SSBP2: variants seen among roughly 807,000 people sequenced by gnomAD.
SSBP2 encodes single stranded DNA binding protein 2, also known as single-stranded DNA-binding protein 2.
Under a neutral mutation model 61.8 loss-of-function variants are expected in SSBP2, and 17 were observed. The ratio of observed to expected loss-of-function variants is 0.28; its 90% CI spans 0.19 to 0.41. The LOEUF is 0.41. Among genes scored for constraint, SSBP2 ranks in the 10% least tolerant of loss-of-function variants. The pLI is 1.00. For synonymous variants in SSBP2, 139 were observed against 141.3 expected, an observed-to-expected ratio of 0.98 and a Z score of 0.12; for missense variants, 310 against 458.7, an observed-to-expected ratio of 0.68 and a Z score of 2.96.
At chr5:81,651,790 C>T (rs951010367) in intron 1 of SSBP2, among the ~76,000 whole-genome samples, 4 of 152,160 alleles carry the variant, frequency 2.6e-5, no homozygotes, top group Non-Finnish European at 5.9e-5. Flanking sequence ...TCTTATCACA[C>T]ATTCTTCAAA....
chr5:81,448,789 C>T lies in SSBP2; in HGVS notation c.723+1G>A. 1 of 1,612,432 alleles carries T rather than the reference C, an allele frequency of 6.2e-7. No individual in the cohort carries two copies. Among genetic ancestry groups the T allele is most frequent in the Non-Finnish European group, 8.5e-7 (1 of 1,179,344 alleles). On this transcript the variant is annotated splice_donor_variant, in intron 11 of 16. Transcript: ENST00000320672. LOFTEE classifies it high-confidence loss of function. Reference sequence around the variant, plus strand: ...AAGCAAACAAACCCAAATGTACTTACTACATAATTCCCAGGAGATGCTGAG... The same window carrying T: ...AAGCAAACAAACCCAAATGTACTTATTACATAATTCCCAGGAGATGCTGAG...
chr5:81,521,349 C>A (rs1490098935), intron 4 of SSBP2, among the ~76,000 whole-genome samples: 6 of 151,912 alleles, frequency 3.9e-5, no homozygotes, highest in Admixed American at 3.9e-4. Context: ...AATTTTGTAA[C>A]CATACTCTTA....
chr5:81,672,312 A>G (rs1391038054), intron 1 of SSBP2, among the ~76,000 whole-genome samples: 1 of 152,172 alleles, frequency 6.6e-6, no homozygotes, highest in Non-Finnish European at 1.5e-5. Context: ...TACTATGAAA[A>G]CTGTTGGAAC....
chr5:81,502,635 A>G (rs1310451409), intron 5 of SSBP2, among the ~76,000 whole-genome samples: 2 of 152,308 alleles, frequency 1.3e-5, no homozygotes, highest in Non-Finnish European at 1.5e-5. Context: ...CAAGTTCACA[A>G]TTAAGCTGAT....
chr5:81,603,708 A>C (rs945226366), intron 4 of SSBP2, among the ~76,000 whole-genome samples: 1 of 152,196 alleles, frequency 6.6e-6, no homozygotes, highest in African/African-American at 2.4e-5. Flanking sequence ...ATTTATTAAA[A>C]GATACTAGAA....
At chr5:81,725,263 G>A (rs1406014239) in intron 1 of SSBP2, among the ~76,000 whole-genome samples, 1 of 151,860 alleles carries the variant, frequency 6.6e-6, no homozygotes, top group Admixed American at 6.6e-5. Context: ...ACAAATACGT[G>A]AAGAGATAAC....
intron 4 of SSBP2, among the ~76,000 whole-genome samples, chr5:81,526,290 A>G (rs960421932): frequency 6.6e-6 from 1 of 152,060 alleles, no homozygotes; most frequent in Admixed American, 6.6e-5. Context: ...CATATTTCAA[A>G]AACTTCTTAA....
intron 1 of SSBP2, among the ~76,000 whole-genome samples, chr5:81,747,981 C>T (rs1757462978): frequency 6.6e-6 from 1 of 152,114 alleles, no homozygotes; most frequent in South Asian, 2.1e-4. Flanking sequence ...ACTAATCTTA[C>T]CCTGATCATT....
chr5:81,712,710 C>A (rs1466878007), intron 1 of SSBP2, among the ~76,000 whole-genome samples: 2 of 145,902 alleles, frequency 1.4e-5, no homozygotes, highest in African/African-American at 2.5e-5. Flanking sequence ...AGTAAAGGGA[C>A]TTTTTGTTTG....
chr5:81,680,593 A>G (rs1393726244), intron 1 of SSBP2, among the ~76,000 whole-genome samples: 1 of 152,132 alleles, frequency 6.6e-6, no homozygotes, highest in Non-Finnish European at 1.5e-5. Flanking sequence ...GCTAATGCCA[A>G]TCAAAAGAAA....
At chr5:81,584,589 C>A (rs1365278527) in intron 4 of SSBP2, among the ~76,000 whole-genome samples, 5 of 152,080 alleles carry the variant, frequency 3.3e-5, no homozygotes, top group Non-Finnish European at 7.4e-5. Context: ...AAAGGCCAAA[C>A]AAGTATCCTA....
chr5:81,601,957 G>C (rs1001247200), intron 4 of SSBP2, among the ~76,000 whole-genome samples: 1 of 152,148 alleles, frequency 6.6e-6, no homozygotes, highest in Admixed American at 6.5e-5. Context: ...AAAGGTGGCT[G>C]GTGCCTAGGA....
At chr5:81,729,118 TTCAA>T (rs1043167210) in intron 1 of SSBP2, among the ~76,000 whole-genome samples, 6 of 152,212 alleles carry the variant, frequency 3.9e-5, no homozygotes, top group Non-Finnish European at 8.8e-5. Context: ...ATAATTATTT[TTCAA>T]TCAAAAATAT....
In SSBP2 at chr5:81,459,794, A is replaced by C. The variant is rs919118632; in HGVS notation, c.687+1261T>G. Among the ~76,000 whole-genome samples the C allele has an allele frequency of 1.2e-4, 18 of 152,364 alleles. No individual in the cohort carries two copies. The East Asian group carries it at 2.5e-3, about 21-fold the overall frequency. The stretch of plus-strand genomic sequence containing the variant: ...AATAGTAAGAAGCTAATAGATCATA[A>C]GAAGTAAACTCTTGTAAAGCATGTA... On this transcript the variant is annotated intron_variant, in intron 10 of 16. Transcript: ENST00000320672.
At chr5:81,680,081 G>A (rs962358520) in intron 1 of SSBP2, among the ~76,000 whole-genome samples, 10 of 151,556 alleles carry the variant, frequency 6.6e-5, no homozygotes, top group African/African-American at 2.2e-4. Context: ...CCCAACACCT[G>A]GCCCTGCCAC....
chr5:81,717,054 T>C (rs1476394657), intron 1 of SSBP2, among the ~76,000 whole-genome samples: 1 of 152,180 alleles, frequency 6.6e-6, no homozygotes, highest in East Asian at 1.9e-4. Context: ...AGAAGAATAT[T>C]TATTGATTCT....
At position 81,682,413 on chromosome 5, in the gene SSBP2, A is replaced by T. The variant is rs1396802559; in HGVS notation, c.63-32074T>A. Among the ~76,000 whole-genome samples the T allele has an allele frequency of 3.9e-5, 6 of 152,330 alleles. No homozygotes were observed. The South Asian group carries it at 1.2e-3, about 32-fold the overall frequency. On this transcript the variant is annotated intron_variant, in intron 1 of 16. Transcript: ENST00000320672. ...ATCAAATAGTATAAGTGGTCACATC[A>T]ACAGGCTGAAGAAAAAAATTACAAT...
At chr5:81,699,479 T>C (rs1433170431) in intron 1 of SSBP2, among the ~76,000 whole-genome samples, 1 of 152,258 alleles carries the variant, frequency 6.6e-6, no homozygotes, top group Non-Finnish European at 1.5e-5. Context: ...AGAAGCAGAT[T>C]CTATCTCAAG....
chr5:81,455,133 G>A (rs561358327), intron 10 of SSBP2, among the ~76,000 whole-genome samples: 2 of 151,748 alleles, frequency 1.3e-5, no homozygotes, highest in African/African-American at 4.8e-5. Context: ...AGAATCAAAG[G>A]TGTCCTACAA....
Sources: gnomAD v4.1 joint callset for allele counts (sites outside exome capture counted in the v4.1 genomes callset) on GRCh38, gnomAD v4.1.1 for gene constraint, MANE v1.5 for transcripts, NCBI Gene and HGNC (gene_info 2026-07-23, HGNC 2026-07-21) for gene names.